Variants in FSTL5 observed in about 807,000 individuals in gnomAD.
FSTL5 encodes the protein follistatin like 5, also known as follistatin-related protein 5.
Under a neutral mutation model 89.1 loss-of-function variants are expected in FSTL5, and 62 were observed. The ratio of observed to expected loss-of-function variants is 0.70; its 90% CI spans 0.57 to 0.86. The LOEUF (loss-of-function observed/expected upper bound fraction) is 0.86. FSTL5 is among the 40% of genes least tolerant of loss of function. The pLI is 0.00. For missense variants in FSTL5, 1,057 were observed against 1,001.6 expected (o/e 1.06, Z -0.75); for synonymous variants, 383 against 346.2 (o/e 1.11, Z -1.18).
chr4:162,036,837 G>A (rs894631469), intron 2 of FSTL5, among the ~76,000 whole-genome samples: 18 of 151,914 alleles, frequency 1.2e-4, no homozygotes, highest in Admixed American at 7.2e-4. Context: ...TAGATAAAAC[G>A]TTTTTTGGTG....
At chr4:162,028,641 C>T (rs1737393153) in intron 3 of FSTL5, among the ~76,000 whole-genome samples, 1 of 152,114 alleles carries the variant, frequency 6.6e-6, no homozygotes, top group Admixed American at 6.6e-5. Flanking sequence ...CTATGCATTT[C>T]ATGAAATTGT....
chr4:162,037,624 T>A (rs191192172), intron 2 of FSTL5, among the ~76,000 whole-genome samples: 3 of 152,036 alleles, frequency 2.0e-5, no homozygotes, highest in African/African-American at 7.2e-5. Context: ...CAGTTTTATA[T>A]AATTATAAAT....
chr4:162,035,167 A>G (rs1737686549), intron 2 of FSTL5: 1 of 152,080 alleles, frequency 6.6e-6, no homozygotes, highest in Non-Finnish European at 1.5e-5. Context: ...TTATTCATTC[A>G]TTATTTCACC....
chr4:161,975,810 T>C (rs1735623519), intron 3 of FSTL5, among the ~76,000 whole-genome samples: 1 of 141,602 alleles, frequency 7.1e-6, no homozygotes, highest in Non-Finnish European at 1.5e-5. Context: ...AAAAAATAAA[T>C]AAAAAAAAGA....
intron 1 of FSTL5, among the ~76,000 whole-genome samples, chr4:162,138,894 T>C (rs1486958227): frequency 6.6e-6 from 1 of 152,064 alleles, no homozygotes; most frequent in Non-Finnish European, 1.5e-5. Flanking sequence ...ATAAAAAATA[T>C]GTAGAAGCCC....
At chr4:162,150,997 T>A (rs1733203170) in intron 1 of FSTL5, among the ~76,000 whole-genome samples, 1 of 152,132 alleles carries the variant, frequency 6.6e-6, no homozygotes, top group Non-Finnish European at 1.5e-5. Flanking sequence ...AAAGATCAAC[T>A]AATTGCAAAA....
intron 1 of FSTL5, among the ~76,000 whole-genome samples, chr4:162,140,777 A>G (rs1247434535): frequency 1.3e-5 from 2 of 152,214 alleles, no homozygotes; most frequent in Non-Finnish European, 2.9e-5. Context: ...AACAATATAC[A>G]GGTTTGACAT....
intron 15 of FSTL5, among the ~76,000 whole-genome samples, chr4:161,391,448 G>T (rs6823325): frequency 6.6e-6 from 1 of 151,982 alleles, no homozygotes; most frequent in Non-Finnish European, 1.5e-5. Flanking sequence ...CTCAAAATAC[G>T]CTGTTTCAAT....
At chr4:161,929,470 C>G (rs1271016302) in intron 3 of FSTL5, among the ~76,000 whole-genome samples, 1 of 151,644 alleles carries the variant, frequency 6.6e-6, no homozygotes, top group Non-Finnish European at 1.5e-5. Context: ...GCCATATAAA[C>G]TTTAGAATCC....
chr4:161,641,524 ACT>A (rs1491201359), intron 7 of FSTL5, among the ~76,000 whole-genome samples: 2 of 141,118 alleles, frequency 1.4e-5, no homozygotes, highest in African/African-American at 5.2e-5. Context: ...TTTTTTTGAG[ACT>A]CTGTTGCCAG....
At chr4:161,424,024 C>CTTTTTTTTTTTT (rs11287729) in intron 15 of FSTL5, among the ~76,000 whole-genome samples, 1 of 75,378 alleles carries the variant, frequency 1.3e-5, no homozygotes, top group Non-Finnish European at 2.3e-5. Context: ...GCCCATCATT[C>CTTTTTTTTTTTT]TTTTTTTTTT....
chr4:161,613,374 C>T (rs555496986), intron 7 of FSTL5, among the ~76,000 whole-genome samples: 23 of 151,332 alleles, frequency 1.5e-4, no homozygotes, highest in Non-Finnish European at 8.8e-5. Context: ...TGCTTGAACC[C>T]AGGAGGCGGA....
In FSTL5 at chr4:161,972,848, A is replaced by G. The variant is rs377075890; in HGVS notation, c.161-52196T>C. On this transcript the variant is annotated intron_variant, in intron 3 of 15. Transcript: ENST00000306100. ...GGGTGCCATCACTTTCACATGGACT[A>G]CTACTGTTTTAATAGCATCTCCTCT... is the stretch of plus-strand genomic sequence containing the variant. Among the ~76,000 whole-genome samples, 7 of 152,334 alleles carry G rather than the reference A, an allele frequency of 4.6e-5. No homozygotes were observed. The South Asian group carries it at 1.5e-3, about 32-fold the overall frequency.
rs556877699 is a variant in FSTL5, at chr4:161,477,871, A to T, written c.1608+3149T>A. Among the ~76,000 whole-genome samples the T allele has an allele frequency of 3.3e-5, 5 of 152,208 alleles. No individual in the cohort carries two copies. The East Asian group carries it at 9.6e-4, about 29-fold the overall frequency. On this transcript the variant is annotated intron_variant, in intron 13 of 15. Coordinates refer to ENST00000306100, the MANE Select transcript of FSTL5 (RefSeq NM_020116.5). ...TAGAAAAAGTCTCAATAGTGTATACATTTTGCCTCTCTCTAATTTCATCAG... is the reference window on the plus strand; with the variant it reads ...TAGAAAAAGTCTCAATAGTGTATACTTTTTGCCTCTCTCTAATTTCATCAG...
chr4:161,552,914 C>A (rs1413822411), intron 8 of FSTL5, among the ~76,000 whole-genome samples: 1 of 151,554 alleles, frequency 6.6e-6, no homozygotes, highest in African/African-American at 2.4e-5. Flanking sequence ...ACATTTCAAA[C>A]CATTTGTTAC....
At chr4:162,008,646 C>G (rs1578942694) in intron 3 of FSTL5, among the ~76,000 whole-genome samples, 1 of 151,784 alleles carries the variant, frequency 6.6e-6, no homozygotes, top group East Asian at 1.9e-4. Context: ...TTAGTTATTA[C>G]CTAGAGTTTT....
rs182924059 is a variant in FSTL5 at position 161,733,551 on chromosome 4, G to A, written c.727+25860C>T. 3.3e-5 allele frequency among the ~76,000 whole-genome samples: 5 copies of A among 152,016 alleles called. No individual in the cohort carries two copies. In the East Asian group the frequency reaches 5.8e-4, roughly 18 times the overall value. On this transcript the variant is annotated intron_variant, in intron 6 of 15. Coordinates refer to ENST00000306100, the MANE Select transcript of FSTL5 (RefSeq NM_020116.5). ...GAACTTTTTGTAGTGTTGAATACAC[G>A]TGGTGAGAGCAGATGCTTACTTCTC...
Position 161,712,443 on chromosome 4 carries a change from C to G in FSTL5, c.727+46968G>C, listed in dbSNP as rs981248992. ...CTCCCAGTAGTGACTCTGTTAAAAG[C>G]AAGTACCAGTTTCACAAAATGAGGA... On this transcript the variant is annotated intron_variant, in intron 6 of 15. Transcript: ENST00000306100. Among the ~76,000 whole-genome samples the G allele has an allele frequency of 2.0e-5, 3 of 152,068 alleles. No homozygotes were observed. In the East Asian group the frequency reaches 5.8e-4, roughly 29 times the overall value.
chr4:161,416,382 G>GT (rs1731780639), intron 15 of FSTL5, among the ~76,000 whole-genome samples: 1 of 151,966 alleles, frequency 6.6e-6, no homozygotes, highest in Non-Finnish European at 1.5e-5. Context: ...AGCTTTTTCT[G>GT]TTTGTTGTGT....
Sources: allele counts gnomAD v4.1 joint callset (sites outside exome capture counted in the v4.1 genomes callset), GRCh38; gene constraint gnomAD v4.1.1; transcripts MANE v1.5; gene names NCBI Gene and HGNC (gene_info 2026-07-23, HGNC 2026-07-21).